ZNF14: variants seen among roughly 807,000 people sequenced by gnomAD.
ZNF14 encodes zinc finger protein 14.
Under a neutral mutation model 11.3 loss-of-function variants are expected in ZNF14, and 9 were observed. That is an observed-to-expected ratio of 0.80 (90% confidence interval 0.48 to 1.39). The LOEUF is 1.39. Among genes scored for constraint, ZNF14 ranks in the 40% most tolerant of loss-of-function variants. ZNF14 has a pLI of 0.00. For missense variants in ZNF14, 711 were observed against 763.9 expected (o/e 0.93, Z 0.82); for synonymous variants, 239 against 245.7 (o/e 0.97, Z 0.25).
At chr19:19,715,431 C>T (rs2013571) in intron 1 of ZNF14, among the ~76,000 whole-genome samples, 1 of 151,942 alleles carries the variant, frequency 6.6e-6, no homozygotes, top group Non-Finnish European at 1.5e-5. Flanking sequence ...TAGGTGCACC[C>T]ACCCAGTTGG....
intron 1 of ZNF14, among the ~76,000 whole-genome samples, chr19:19,731,249 G>A (rs1181423237): frequency 1.3e-5 from 2 of 152,004 alleles, no homozygotes; most frequent in Admixed American, 6.6e-5. Context: ...AACTAGATAT[G>A]GTACCCAAAC....
chr19:19,731,300 CGCGGTG>C (rs1244991470), intron 1 of ZNF14, among the ~76,000 whole-genome samples: 1 of 152,146 alleles, frequency 6.6e-6, no homozygotes, highest in Non-Finnish European at 1.5e-5. Flanking sequence ...ATCAGCCAGG[CGCGGTG>C]GCTCATGCCT....
At chr19:19,729,717 C>A (rs2062417741) in intron 1 of ZNF14, among the ~76,000 whole-genome samples, 1 of 152,056 alleles carries the variant, frequency 6.6e-6, no homozygotes, top group Non-Finnish European at 1.5e-5. Context: ...TTAAACACCA[C>A]AACTGAGAAA....
chr19:19,714,230 C>T, intron 2 of ZNF14, 79 bp from the exon 3 acceptor site: 1 of 1,582,574 alleles, frequency 6.3e-7, no homozygotes, highest in Non-Finnish European at 8.6e-7. Flanking sequence ...TCATGATTAG[C>T]TGTGACTGTC....
At position 19,712,799 on chromosome 19, in the gene ZNF14, C is replaced by A; in HGVS notation, c.482G>T (p.Arg161Ile). The A allele has an allele frequency of 1.9e-6, 3 of 1,614,176 alleles. No individual in the cohort carries two copies. Among genetic ancestry groups the A allele is most frequent in the Non-Finnish European group, 2.5e-6 (3 of 1,180,014 alleles). Residue 161 changes from arginine to isoleucine, a missense_variant, in exon 4 of 4, where the codon AGA becomes ATA. Transcript: ENST00000344099. Reference protein sequence around the residue: ...SYHHCFRKHERTHTGVKPYEC... With the variant: ...SYHHCFRKHEITHTGVKPYEC... Reference sequence around the variant, plus strand: ...ATAGGGCTTCACTCCAGTGTGAGTTCTTTCATGTTTGCGAAAGCAGTGGTG... The same window carrying A: ...ATAGGGCTTCACTCCAGTGTGAGTTATTTCATGTTTGCGAAAGCAGTGGTG...
Position 19,733,097 on chromosome 19 carries a change from TG to T in ZNF14, c.-140del. ...ACGCAATCTTCCCATGGGCCAGGAATGGCGACGTCCGCACTGCGCAGGCCCA... is the reference window on the plus strand; with the variant it reads ...ACGCAATCTTCCCATGGGCCAGGAATGCGACGTCCGCACTGCGCAGGCCCA... On this transcript the variant is annotated 5_prime_UTR_variant, in exon 1 of 4. Transcript: ENST00000344099. 3.6e-6 allele frequency: 4 copies of T among 1,106,702 alleles called. No homozygotes were observed. The highest frequency in any genetic ancestry group is 5.2e-6 in the Non-Finnish European group (4 of 768,952). 68.6% of individuals were successfully genotyped at this position (1,106,702 alleles called of 1,614,324 possible).
intron 1 of ZNF14, 119 bp downstream of exon 1, chr19:19,732,837 C>A (rs2062427971): frequency 1.3e-5 from 18 of 1,367,878 alleles, no homozygotes; most frequent in South Asian, 2.7e-5. Flanking sequence ...GGCCGAACTG[C>A]GCCCGCGGTG....
At chr19:19,723,315 C>A (rs1322262322) in intron 1 of ZNF14, among the ~76,000 whole-genome samples, 2 of 152,054 alleles carry the variant, frequency 1.3e-5, no homozygotes, top group Non-Finnish European at 2.9e-5. Context: ...TTGTTGAAGG[C>A]CTTTTCTGCA....
rs1205918847 is a variant in ZNF14, at chr19:19,726,249, C to T, written c.3+6707G>A. 6.7e-5 allele frequency among the ~76,000 whole-genome samples: 9 copies of T among 134,256 alleles called. 3 individuals carry two copies. The South Asian group carries it at 1.2e-3, about 18-fold the overall frequency. The allele number at this position is 134,256 out of a possible 152,430, so 88.1% of individuals were successfully genotyped here. Reference sequence around the variant, plus strand: ...TACCTCTGGTCTTTGATGATGGTGACGTACAAATGGGGTTTTGGTGTGGAT... The same window carrying T: ...TACCTCTGGTCTTTGATGATGGTGATGTACAAATGGGGTTTTGGTGTGGAT... On this transcript the variant is annotated intron_variant, in intron 1 of 3. Coordinates refer to ENST00000344099, the MANE Select transcript of ZNF14 (RefSeq NM_021030.3).
chr19:19,730,035 T>C (rs1033538436), intron 1 of ZNF14, among the ~76,000 whole-genome samples: 1 of 152,120 alleles, frequency 6.6e-6, no homozygotes, highest in Admixed American at 6.6e-5. Flanking sequence ...CCTTTATTTA[T>C]TTAGTTAGTT....
In ZNF14 at chr19:19,725,906, G is replaced by A. The variant is rs558745842; in HGVS notation, c.3+7050C>T. Among the ~76,000 whole-genome samples the A allele has an allele frequency of 2.5e-4, 34 of 134,098 alleles. 4 individuals carry two copies. The South Asian group carries it at 6.6e-3, about 26-fold the overall frequency. The allele number at this position is 134,098 out of a possible 152,430, so 88.0% of individuals were successfully genotyped here. A position where few individuals can be genotyped will look rare whatever the true frequency, so the allele number is the denominator to read the frequency against. ...CTTGTGCATGCATCAAGTAGTTCTCGTGCCACGGTTTTCAGCTCCATCAGG... is the reference window on the plus strand; with the variant it reads ...CTTGTGCATGCATCAAGTAGTTCTCATGCCACGGTTTTCAGCTCCATCAGG... On this transcript the variant is annotated intron_variant, in intron 1 of 3. Transcript: ENST00000344099.
chr19:19,730,227 A>G (rs1369440646), intron 1 of ZNF14, among the ~76,000 whole-genome samples: 8 of 151,854 alleles, frequency 5.3e-5, no homozygotes, highest in African/African-American at 1.7e-4. Flanking sequence ...GGATTTCACT[A>G]TGTTGGTCAG....
Position 19,712,714 on chromosome 19 carries a change from C to T in ZNF14, c.567G>A (p.Arg189=), listed in dbSNP as rs915717525. Residue 189 remains arginine, a synonymous_variant, in exon 4 of 4, where the codon AGG becomes AGA. Coordinates refer to ENST00000344099, the MANE Select transcript of ZNF14 (RefSeq NM_021030.3). ...CATAGGGTTTCTGTCCAGCATGAGT[C>T]CTTTCATGTCTTTGAAATGGCTGGT... ...IYYQPFQRHE[R]THAGQKPYEC... 6.2e-7 allele frequency: 1 copy of T among 1,613,012 alleles called. No individual in the cohort carries two copies. The highest frequency in any genetic ancestry group is 8.5e-7 in the Non-Finnish European group (1 of 1,179,740).
intron 1 of ZNF14, among the ~76,000 whole-genome samples, chr19:19,714,717 T>TTCTTTTC: frequency 6.8e-6 from 1 of 147,130 alleles, no homozygotes; most frequent in Non-Finnish European, 1.5e-5. Context: ...CTTTTTCTTT[T>TTCTTTTC]TTTTTTTTTT....
Position 19,725,437 on chromosome 19 carries a change from G to A in ZNF14, c.3+7519C>T, listed in dbSNP as rs1261616466. On this transcript the variant is annotated intron_variant, in intron 1 of 3. Transcript: ENST00000344099. Reference sequence around the variant, plus strand: ...TCTCTTCTGGCTTGTAGTTTCTGCCGAGAGATTTGCTGTTAGTCTGATGGG... The same window carrying A: ...TCTCTTCTGGCTTGTAGTTTCTGCCAAGAGATTTGCTGTTAGTCTGATGGG... Among the ~76,000 whole-genome samples the A allele has an allele frequency of 2.2e-5, 3 of 134,252 alleles. 1 individual carries two copies. The highest frequency in any genetic ancestry group is 2.1e-4 in the East Asian group (1 of 4,776). The allele number at this position is 134,252 out of a possible 152,430, so 88.1% of individuals were successfully genotyped here.
chr19:19,717,216 A>G (rs2062380288), intron 1 of ZNF14, among the ~76,000 whole-genome samples: 1 of 152,158 alleles, frequency 6.6e-6, no homozygotes, highest in African/African-American at 2.4e-5. Context: ...TTTATAGTTC[A>G]GTAATTCACT....
Position 19,733,071 on chromosome 19 carries a change from A to G in ZNF14, c.-113T>C. Reference sequence around the variant, plus strand: ...ACCTTCGGCCTTCAGGAGCAGGTGAAACGCAATCTTCCCATGGGCCAGGAA... The same window carrying G: ...ACCTTCGGCCTTCAGGAGCAGGTGAGACGCAATCTTCCCATGGGCCAGGAA... On this transcript the variant is annotated 5_prime_UTR_variant, in exon 1 of 4. Transcript: ENST00000344099. 1.5e-6 allele frequency: 2 copies of G among 1,374,430 alleles called. No individual in the cohort carries two copies. Among genetic ancestry groups the G allele is most frequent in the South Asian group, 2.6e-5 (2 of 77,920 alleles). 85.1% of individuals were successfully genotyped at this position (1,374,430 alleles called of 1,614,324 possible).
intron 3 of ZNF14, 63 bp from the exon 4 acceptor site, chr19:19,713,152 A>T: frequency 7.0e-7 from 1 of 1,431,528 alleles, no homozygotes; most frequent in Non-Finnish European, 9.4e-7. Flanking sequence ...ATTAGTAGGT[A>T]TGAGAATTAC....
At chr19:19,714,177 T>C (rs765546027) in intron 2 of ZNF14, 26 bp from the exon 3 acceptor site, 59 of 1,605,682 alleles carry the variant, frequency 3.7e-5, no homozygotes, top group Non-Finnish European at 4.9e-5. Flanking sequence ...AGAAAGACCA[T>C]TAAAAATTAT....
Sources: allele counts gnomAD v4.1 joint callset (sites outside exome capture counted in the v4.1 genomes callset), GRCh38; gene constraint gnomAD v4.1.1; transcripts MANE v1.5; gene names NCBI Gene and HGNC (gene_info 2026-07-23, HGNC 2026-07-21).